Variants in NLGN1 observed in about 807,000 individuals in gnomAD.
The protein encoded by NLGN1 is neuroligin 1.
In NLGN1, 12 loss-of-function variants were observed where a neutral mutation model predicts 65.5. The observed-to-expected ratio is 0.18, with a 90% confidence interval of 0.12 to 0.30. The LOEUF (loss-of-function observed/expected upper bound fraction) is 0.30, where lower values mean the gene tolerates loss of function less well. Ranked by LOEUF, NLGN1 falls within the 10% of genes least tolerant of loss-of-function variation. The pLI, the probability that NLGN1 is intolerant of heterozygous loss-of-function variation, is 1.00. For missense variants in NLGN1, 750 were observed against 1,007.1 expected (o/e 0.74, Z 3.46); for synonymous variants, 350 against 359.5 (o/e 0.97, Z 0.30).
chr3:173,941,857 C>G (rs995406143), intron 4 of NLGN1, among the ~76,000 whole-genome samples: 4 of 151,776 alleles, frequency 2.6e-5, no homozygotes, highest in Admixed American at 2.6e-4. Flanking sequence ...TTTCCCTATT[C>G]ATCACATGCC....
intron 3 of NLGN1, among the ~76,000 whole-genome samples, chr3:173,801,849 T>TA (rs760726036): frequency 1.3e-5 from 2 of 152,148 alleles, no homozygotes; most frequent in Non-Finnish European, 2.9e-5. Context: ...TCTGATATTT[T>TA]AAACACTATT....
In NLGN1 at chr3:173,582,262, C is replaced by A. The variant is rs367582489; in HGVS notation, c.-320-22017C>A. Among the ~76,000 whole-genome samples, 14 of 151,812 alleles carry A rather than the reference C, an allele frequency of 9.2e-5. No homozygotes were observed. The South Asian group carries it at 1.2e-3, about 14-fold the overall frequency. On this transcript the variant is annotated intron_variant, in intron 2 of 6. Coordinates refer to ENST00000457714, the Ensembl canonical transcript of NLGN1. ...ATGAATATTCTATAAATATTTTGTC[C>A]AGCTATTTATCTGAAGGTGTTTAGA... is the stretch of plus-strand genomic sequence containing the variant.
intron 1 of NLGN1, among the ~76,000 whole-genome samples, chr3:173,401,409 AT>A (rs1467534095): frequency 2.0e-5 from 3 of 151,144 alleles, no homozygotes; most frequent in Non-Finnish European, 2.9e-5. Flanking sequence ...TTTTCCCTGC[AT>A]TATGGTGGTG....
chr3:173,487,537 A>G (rs1728368555), intron 2 of NLGN1, among the ~76,000 whole-genome samples: 1 of 152,042 alleles, frequency 6.6e-6, no homozygotes, highest in Non-Finnish European at 1.5e-5. Context: ...TTTGTTTAAT[A>G]CATTAGATAT....
At chr3:174,097,786 G>C (rs1293623030) in intron 4 of NLGN1, among the ~76,000 whole-genome samples, 1 of 152,192 alleles carries the variant, frequency 6.6e-6, no homozygotes, top group Non-Finnish European at 1.5e-5. Flanking sequence ...CCTAAGGGAA[G>C]TGGTCAGAGG....
At chr3:173,466,387 A>T (rs961085375) in intron 2 of NLGN1, among the ~76,000 whole-genome samples, 1 of 152,304 alleles carries the variant, frequency 6.6e-6, no homozygotes, top group African/African-American at 2.4e-5. Context: ...AAGCCCTGAT[A>T]GAGTATTTGA....
intron 4 of NLGN1, among the ~76,000 whole-genome samples, chr3:174,150,755 A>T (rs527446316): frequency 6.6e-6 from 1 of 152,298 alleles, no homozygotes; most frequent in South Asian, 2.1e-4. Context: ...TATTTGGAGC[A>T]GGAAGTACAG....
intron 4 of NLGN1, among the ~76,000 whole-genome samples, chr3:174,234,311 G>A (rs531851940): frequency 5.9e-5 from 9 of 152,154 alleles, no homozygotes; most frequent in Admixed American, 2.6e-4. Flanking sequence ...TTTACGTGTC[G>A]GCATGCTTTT....
chr3:173,841,965 C>G (rs1466018341), intron 4 of NLGN1, among the ~76,000 whole-genome samples: 2 of 152,086 alleles, frequency 1.3e-5, no homozygotes, highest in East Asian at 3.9e-4. Flanking sequence ...TCCATTTTCA[C>G]ACTGCTGATA....
chr3:173,856,448 T>C (rs947215034), intron 4 of NLGN1, among the ~76,000 whole-genome samples: 1 of 152,072 alleles, frequency 6.6e-6, no homozygotes, highest in African/African-American at 2.4e-5. Flanking sequence ...ATTGAGAATA[T>C]AAGGCAGGTC....
chr3:173,661,290 A>G (rs920234907), intron 3 of NLGN1, among the ~76,000 whole-genome samples: 18 of 151,988 alleles, frequency 1.2e-4, no homozygotes, highest in Admixed American at 2.0e-4. Flanking sequence ...GCTTACTGCA[A>G]TGTGTCTCAA....
chr3:173,741,673 A>G (rs113759328), intron 3 of NLGN1, among the ~76,000 whole-genome samples: 5 of 151,770 alleles, frequency 3.3e-5, no homozygotes, highest in African/African-American at 1.2e-4. Context: ...TTGTATTTCT[A>G]ATAGAGATGG....
intron 4 of NLGN1, among the ~76,000 whole-genome samples, chr3:174,259,747 A>T (rs1449168934): frequency 6.6e-6 from 1 of 151,488 alleles, no homozygotes; most frequent in South Asian, 2.1e-4. Flanking sequence ...GGTTAGTTAC[A>T]TATGTATACA....
intron 4 of NLGN1, among the ~76,000 whole-genome samples, chr3:173,892,977 A>T (rs1735636934): frequency 6.6e-6 from 1 of 152,160 alleles, no homozygotes; most frequent in Non-Finnish European, 1.5e-5. Context: ...ATAACTATGC[A>T]TCTTCTGAGC....
intron 1 of NLGN1, among the ~76,000 whole-genome samples, chr3:173,410,247 C>T (rs921301956): frequency 2.0e-5 from 3 of 152,150 alleles, no homozygotes; most frequent in African/African-American, 4.8e-5. Context: ...AACAAAATAA[C>T]ATAGCACTTT....
exon 7 of NLGN1, chr3:174,283,970 CCAAA>C (rs540757837): frequency 9.3e-5 from 14 of 151,296 alleles, no homozygotes; most frequent in Non-Finnish European, 1.3e-4. Context: ...TTTGGCAAAA[CCAAA>C]CATTCTATTA....
chr3:174,187,110 ATTT>A (rs1228889468), intron 4 of NLGN1, among the ~76,000 whole-genome samples: 1 of 151,828 alleles, frequency 6.6e-6, no homozygotes, highest in Non-Finnish European at 1.5e-5. Context: ...TATTTGTATT[ATTT>A]TTATTGTTGT....
intron 2 of NLGN1, among the ~76,000 whole-genome samples, chr3:173,486,306 C>A (rs956896548): frequency 1.3e-5 from 2 of 152,136 alleles, no homozygotes; most frequent in Non-Finnish European, 2.9e-5. Context: ...AAGGGATCCG[C>A]CTGCCTCGGC....
intron 4 of NLGN1, among the ~76,000 whole-genome samples, chr3:173,861,624 CTG>C (rs990393763): frequency 3.3e-5 from 5 of 149,414 alleles, no homozygotes; most frequent in African/African-American, 1.2e-4. Flanking sequence ...ATAATTACAA[CTG>C]TAATATTTAC....
Sources: gnomAD v4.1 joint callset for allele counts (sites outside exome capture counted in the v4.1 genomes callset) on GRCh38, gnomAD v4.1.1 for gene constraint, MANE v1.5 for transcripts, NCBI Gene and HGNC (gene_info 2026-07-23, HGNC 2026-07-21) for gene names.